Variants in DIP2B observed in about 807,000 individuals in gnomAD.
DIP2B encodes the protein DIP2 acetate--CoA ligase B (putative), also known as disco-interacting protein 2 homolog B.
In DIP2B, 76 loss-of-function variants were observed where a neutral mutation model predicts 198.0. The observed-to-expected ratio is 0.38, with a 90% CI of 0.32 to 0.46. The LOEUF (loss-of-function observed/expected upper bound fraction) is 0.46. Among genes scored for constraint, DIP2B ranks in the 20% least tolerant of loss-of-function variants. DIP2B has a pLI of 0.99. For synonymous variants in DIP2B, 701 were observed against 739.1 expected, an observed-to-expected ratio of 0.95 and a Z score of 0.84; for missense variants, 1,559 against 1,978.4, an observed-to-expected ratio of 0.79 and a Z score of 4.02.
chr12:50,600,183 C>T (rs1171599375), intron 1 of DIP2B, among the ~76,000 whole-genome samples: 1 of 152,148 alleles, frequency 6.6e-6, no homozygotes, highest in African/African-American at 2.4e-5. Flanking sequence ...TATATCTCTG[C>T]CCCCTCAGTC....
chr12:50,695,306 T>C lies in DIP2B; in HGVS notation c.1759T>C (p.Ser587Pro), dbSNP rs200534420. ...NKMHTISVPY[S>P]VMKTCPLSWV... is the part of the protein sequence containing the mutation. ...GATGCACACAATCAGCGTACCCTAC[T>C]CTGTTATGAAAACCTGTCCTCTCTC... The change falls in exon 15 of 38, where the codon TCT (serine) becomes CCT (proline). Residue 587 changes from serine to proline, a missense_variant. Ser to Pro is a moderately conservative substitution (Grantham distance 74). Transcript: ENST00000301180. 1 of 1,614,102 alleles carries C rather than the reference T, an allele frequency of 6.2e-7. No individual in the cohort carries two copies. The highest frequency in any genetic ancestry group is 2.2e-5 in the East Asian group (1 of 44,872).
chr12:50,695,437 A>G, intron 15 of DIP2B, 77 bp downstream of exon 15: 1 of 1,422,204 alleles, frequency 7.0e-7, no homozygotes, highest in Non-Finnish European at 9.9e-7. Context: ...AGATTTTCAA[A>G]TTGCCCTTGT....
chr12:50,617,125 G>T (rs2139459344), intron 1 of DIP2B, among the ~76,000 whole-genome samples: 1 of 151,366 alleles, frequency 6.6e-6, no homozygotes, highest in Middle Eastern at 3.5e-3. Flanking sequence ...CTATGTAAAT[G>T]AATATTTAGT....
Position 50,704,168 on chromosome 12 carries a change from C to T in DIP2B, c.2354C>T (p.Pro785Leu), listed in dbSNP as rs756262231. 6.2e-7 allele frequency: 1 copy of T among 1,610,722 alleles called. No homozygotes were observed. Among genetic ancestry groups the T allele is most frequent in the South Asian group, 1.1e-5 (1 of 90,230 alleles). The change falls in exon 20 of 38, where the codon CCT (proline) becomes CTT (leucine). Residue 785 changes from proline (P) to leucine (L), a missense_variant. By Grantham distance (98) the Pro-to-Leu change is moderately conservative. Transcript: ENST00000301180. ...ATTCCAGTGAATTCTGCAGGCTCTC[C>T]TGTTGGGGATGTGCCATTCATCCGA... Reference protein sequence around the residue: ...EVIPVNSAGSPVGDVPFIRSG... With the variant: ...EVIPVNSAGSLVGDVPFIRSG...
chr12:50,674,903 G>A (rs1482669898), intron 6 of DIP2B, among the ~76,000 whole-genome samples: 4 of 152,266 alleles, frequency 2.6e-5, no homozygotes, highest in East Asian at 3.9e-4. Flanking sequence ...GGTGGCTCAC[G>A]CCTGTAATCC....
intron 3 of DIP2B, among the ~76,000 whole-genome samples, chr12:50,659,435 CTACCTCAGCTGTTAT>C (rs1439351127): frequency 6.6e-6 from 1 of 151,192 alleles, no homozygotes; most frequent in East Asian, 1.9e-4. Context: ...ACTTAGGAAG[CTACCTCAGCTGTTAT>C]CTACCTCAGT....
rs1453459103 is a variant in DIP2B, at chr12:50,640,750, C to T, written c.199C>T (p.Leu67Phe). 8 of 1,613,682 alleles carry T rather than the reference C, an allele frequency of 5.0e-6. No individual in the cohort carries two copies. The highest frequency in any genetic ancestry group is 1.1e-5 in the South Asian group (1 of 91,082). ...AACTGATTCAGCAGTACAGAAAGAA[C>T]TTAGAAACCAGACACCTGCTCCATC... ...QETDSAVQKE[L>F]RNQTPAPSAA... The change falls in exon 3 of 38, where the codon CTT becomes TTT. Residue 67 changes from leucine (L) to phenylalanine (F), a missense_variant. Transcript: ENST00000301180.
chr12:50,664,662 G>A (rs958908846), intron 4 of DIP2B, among the ~76,000 whole-genome samples: 14 of 151,954 alleles, frequency 9.2e-5, no homozygotes, highest in African/African-American at 2.9e-4. Context: ...CCTTTGCTGC[G>A]TTCTGAGAGT....
At chr12:50,621,333 T>G (rs138281426) in intron 1 of DIP2B, among the ~76,000 whole-genome samples, 23 of 152,358 alleles carry the variant, frequency 1.5e-4, no homozygotes, top group African/African-American at 5.3e-4. Context: ...GCATTGCTTT[T>G]TTGTTCACCT....
chr12:50,673,171 G>A (rs758182282), intron 5 of DIP2B, among the ~76,000 whole-genome samples: 1 of 151,958 alleles, frequency 6.6e-6, no homozygotes, highest in Non-Finnish European at 1.5e-5. Flanking sequence ...AAGGTATACC[G>A]GAATATACTC....
At chr12:50,533,382 A>G (rs1434805348) in intron 1 of DIP2B, among the ~76,000 whole-genome samples, 1 of 152,200 alleles carries the variant, frequency 6.6e-6, no homozygotes, top group African/African-American at 2.4e-5. Flanking sequence ...CTTATCAGCC[A>G]TTACTGCAGG....
At chr12:50,511,254 CT>C (rs1194055387) in intron 1 of DIP2B, among the ~76,000 whole-genome samples, 1 of 142,692 alleles carries the variant, frequency 7.0e-6, no homozygotes, top group Non-Finnish European at 1.5e-5. Context: ...CAAGTACCAC[CT>C]TTTTTGTAAA....
intron 21 of DIP2B, among the ~76,000 whole-genome samples, chr12:50,706,977 G>A (rs1199125793): frequency 6.6e-6 from 1 of 152,072 alleles, no homozygotes; most frequent in Non-Finnish European, 1.5e-5. Flanking sequence ...TTAACTTCCT[G>A]CATTTCTTCA....
At chr12:50,731,301 G>T (rs933805484) in intron 30 of DIP2B, 68 bp from the exon 31 acceptor site, 1 of 1,553,366 alleles carries the variant, frequency 6.4e-7, no homozygotes, top group Admixed American at 1.8e-5. Flanking sequence ...TGTGGAATTG[G>T]TGGGGTTCTG....
chr12:50,653,408 A>T (rs1355977258), intron 3 of DIP2B, among the ~76,000 whole-genome samples: 1 of 119,220 alleles, frequency 8.4e-6, no homozygotes, highest in Non-Finnish European at 1.6e-5. Context: ...TGGTGCAATT[A>T]TGGCTCACTA....
chr12:50,523,484 C>CTGAT (rs1958138039), intron 1 of DIP2B, among the ~76,000 whole-genome samples: 1 of 152,006 alleles, frequency 6.6e-6, no homozygotes, highest in Admixed American at 6.6e-5. Context: ...AATGAGAAGA[C>CTGAT]TGATATATAT....
rs115518532 is a variant in DIP2B at position 50,608,102 on chromosome 12, T to C, written c.101-17874T>C. On this transcript the variant is annotated intron_variant, in intron 1 of 37. Coordinates refer to ENST00000301180, the MANE Select transcript of DIP2B (RefSeq NM_173602.3). Reference sequence around the variant, plus strand: ...GCCACTGCACCGGGCCACAATTTGCTTATTTTCAAATAAGCTGTAGTCTTT... The same window carrying C: ...GCCACTGCACCGGGCCACAATTTGCCTATTTTCAAATAAGCTGTAGTCTTT... 7.1e-3 allele frequency among the ~76,000 whole-genome samples: 1,082 copies of C among 152,318 alleles called. 16 individuals carry two copies. The highest frequency in any genetic ancestry group is 0.025 in the African/African-American group (1,043 of 41,582).
chr12:50,706,847 T>C (rs535634804), intron 21 of DIP2B, among the ~76,000 whole-genome samples, 182 bp downstream of exon 21: 1 of 152,276 alleles, frequency 6.6e-6, no homozygotes, highest in East Asian at 1.9e-4. Flanking sequence ...TTTTAATATA[T>C]ATTTTACAAC....
chr12:50,546,297 C>A (rs985313728), intron 1 of DIP2B, among the ~76,000 whole-genome samples: 1 of 152,118 alleles, frequency 6.6e-6, no homozygotes, highest in Non-Finnish European at 1.5e-5. Context: ...CTTATTCCTC[C>A]CCTGTTGGTG....
Sources: gnomAD v4.1 joint callset for allele counts (sites outside exome capture counted in the v4.1 genomes callset) on GRCh38, gnomAD v4.1.1 for gene constraint, MANE v1.5 for transcripts, NCBI Gene and HGNC (gene_info 2026-07-23, HGNC 2026-07-21) for gene names.